The following LIMCH1 variants were observed in gnomAD, a reference collection of about 807,000 sequenced individuals.
The protein encoded by LIMCH1 is LIM and calponin homology domains 1, also known as LIM and calponin homology domains-containing protein 1.
A neutral mutation model predicts 176.5 loss-of-function variants in LIMCH1; 113 were observed. That is an observed-to-expected ratio of 0.64 (90% CI 0.55 to 0.75). The LOEUF (loss-of-function observed/expected upper bound fraction) is 0.75. Among genes scored for constraint, LIMCH1 ranks in the 30% least tolerant of loss-of-function variants. The probability of loss-of-function intolerance (pLI) is 0.00; values close to 1 mark genes in which losing one functional copy is unlikely to be tolerated. For missense variants in LIMCH1, 1,674 were observed against 1,814.9 expected (o/e 0.92, Z 1.41); for synonymous variants, 619 against 645.9 (o/e 0.96, Z 0.63).
chr4:41,416,279 A>G lies in LIMCH1; in HGVS notation c.96+55343A>G, dbSNP rs149729947. ...AAAATGCCAGGCAATAGAAGATTTT[A>G]AAACCTGGTCACGATAATAACAATA... On this transcript the variant is annotated intron_variant, in intron 1 of 26. Coordinates refer to the LIMCH1 transcript ENST00000313860. Among the ~76,000 whole-genome samples the G allele has an allele frequency of 3.7e-3, 559 of 152,344 alleles. 4 individuals carry two copies. The highest frequency in any genetic ancestry group is 0.012 in the African/African-American group (517 of 41,578).
rs774076249 is a variant in LIMCH1 at position 41,494,537 on chromosome 4, A to G, written c.98A>G (p.Gln33Arg). Residue 33 changes from glutamine to arginine, a missense_variant and splice_region_variant, in exon 2 of 27, where the codon CAA (glutamine) becomes CGA (arginine). Physicochemically the swap from Gln to Arg is conservative, Grantham distance 43. Transcript: ENST00000313860. Reference sequence around the variant, plus strand: ...CTCTTTTTCTTTTCTTTTTTGCAGCAAGTAACTGGCAGAAGTTTTGGTGAT... The same window carrying G: ...CTCTTTTTCTTTTCTTTTTTGCAGCGAGTAACTGGCAGAAGTTTTGGTGAT... 1.2e-6 allele frequency: 2 copies of G among 1,610,284 alleles called. No individual in the cohort carries two copies.
At chr4:41,620,206 A>T in intron 6 of LIMCH1, 1 of 506,850 alleles carries the variant, frequency 2.0e-6, no homozygotes, top group Non-Finnish European at 3.4e-6. Flanking sequence ...TTTGCCTTTC[A>T]TTATCAAGTC....
At chr4:41,413,204 T>C (rs1201966977) in intron 1 of LIMCH1, among the ~76,000 whole-genome samples, 6 of 149,158 alleles carry the variant, frequency 4.0e-5, no homozygotes, top group Non-Finnish European at 7.4e-5. Context: ...ATATGCAACA[T>C]GTAGACATAA....
At chr4:41,369,748 G>A (rs1159170394) in intron 1 of LIMCH1, among the ~76,000 whole-genome samples, 1 of 151,806 alleles carries the variant, frequency 6.6e-6, no homozygotes, top group Admixed American at 6.6e-5. Context: ...GCCAAGGACT[G>A]CGTCTTAGTC....
rs551875609 is a variant in LIMCH1 at position 41,491,925 on chromosome 4, G to A, written c.97-2611G>A. ...GCACTCCTCACGTCCCAGACGGGGC[G>A]GCCGGGCAGAGGGGCTCCTCACATC... On this transcript the variant is annotated intron_variant, in intron 1 of 26. Transcript: ENST00000313860. Among the ~76,000 whole-genome samples the A allele has an allele frequency of 2.2e-4, 33 of 151,684 alleles. No homozygotes were observed. The East Asian group carries it at 3.1e-3, about 14-fold the overall frequency.
At chr4:41,583,327 C>T (rs775510634) in intron 1 of LIMCH1, among the ~76,000 whole-genome samples, 3 of 152,160 alleles carry the variant, frequency 2.0e-5, no homozygotes, top group Non-Finnish European at 2.9e-5. Flanking sequence ...CTTATGTTCA[C>T]CCTTCTCCTC....
At chr4:41,420,084 G>A (rs2154130484) in intron 1 of LIMCH1, among the ~76,000 whole-genome samples, 1 of 152,196 alleles carries the variant, frequency 6.6e-6, no homozygotes, top group Non-Finnish European at 1.5e-5. Flanking sequence ...GGGTGCTCTA[G>A]GCAAGCTTCT....
rs1018399292 is a variant in LIMCH1 at position 41,478,164 on chromosome 4, A to G, written c.97-16372A>G. ...TCATTATAAAATGTAACACAAGTAC[A>G]GAGAATTACATGAAACAAATACATA... On this transcript the variant is annotated intron_variant, in intron 1 of 26. Coordinates refer to the LIMCH1 transcript ENST00000313860. Among the ~76,000 whole-genome samples, 7 of 152,230 alleles carry G rather than the reference A, an allele frequency of 4.6e-5. 1 individual carries two copies. Among genetic ancestry groups the G allele is most frequent in the African/African-American group, 1.7e-4 (7 of 41,468 alleles).
intron 1 of LIMCH1, among the ~76,000 whole-genome samples, chr4:41,487,365 G>A (rs550324106): frequency 1.3e-5 from 2 of 152,280 alleles, no homozygotes; most frequent in East Asian, 1.9e-4. Context: ...GACCGTGCTC[G>A]GTCCTAATGG....
chr4:41,430,898 T>C (rs945420198), intron 1 of LIMCH1, among the ~76,000 whole-genome samples: 20 of 152,152 alleles, frequency 1.3e-4, no homozygotes, highest in African/African-American at 4.3e-4. Flanking sequence ...GTTTTTTTTT[T>C]CTATGTGTCT....
chr4:41,523,290 T>G (rs1273644022), intron 2 of LIMCH1, among the ~76,000 whole-genome samples: 1 of 152,186 alleles, frequency 6.6e-6, no homozygotes, highest in Non-Finnish European at 1.5e-5. Flanking sequence ...AGTAAAGATT[T>G]TATGCTTTGT....
chr4:41,618,145 A>T (rs1425997952), intron 5 of LIMCH1, among the ~76,000 whole-genome samples: 3 of 152,198 alleles, frequency 2.0e-5, no homozygotes, highest in Admixed American at 2.0e-4. Flanking sequence ...GTAAATAGGT[A>T]TATATTTTAT....
At chr4:41,439,354 G>T (rs755978226) in intron 1 of LIMCH1, among the ~76,000 whole-genome samples, 2 of 152,220 alleles carry the variant, frequency 1.3e-5, no homozygotes, top group Non-Finnish European at 2.9e-5. Flanking sequence ...GGAAGGCCAA[G>T]GTGCATGGAT....
intron 18 of LIMCH1, among the ~76,000 whole-genome samples, chr4:41,660,692 C>T (rs961619021): frequency 3.3e-5 from 5 of 152,046 alleles, no homozygotes; most frequent in South Asian, 2.1e-4. Flanking sequence ...GAGGTGAAAC[C>T]GAAGCTCTGA....
Position 41,577,002 on chromosome 4 carries a change from C to T in LIMCH1, c.-240-21918C>T, listed in dbSNP as rs142728864. Reference sequence around the variant, plus strand: ...ACCAAATGCAGATAAAAAAATACAGCATTCCCAGGATGTTAAGCCCTCACG... The same window carrying T: ...ACCAAATGCAGATAAAAAAATACAGTATTCCCAGGATGTTAAGCCCTCACG... On this transcript the variant is annotated intron_variant, in intron 1 of 31. Transcript: ENST00000503057. 2.6e-3 allele frequency among the ~76,000 whole-genome samples: 394 copies of T among 152,218 alleles called. 1 individual carries two copies. The highest frequency in any genetic ancestry group is 4.3e-3 in the Admixed American group (66 of 15,278).
At chr4:41,494,658 T>C (rs940649317) in intron 2 of LIMCH1, 5 of 1,169,878 alleles carry the variant, frequency 4.3e-6, no homozygotes, top group Non-Finnish European at 5.0e-6. Context: ...TCATTAATAC[T>C]ATCCAGTTTG....
chr4:41,657,054 A>T (rs2094484080), intron 18 of LIMCH1, among the ~76,000 whole-genome samples: 2 of 151,654 alleles, frequency 1.3e-5, no homozygotes, highest in Non-Finnish European at 2.9e-5. Context: ...GGAAACTGCC[A>T]CCTCCCACCT....
intron 1 of LIMCH1, among the ~76,000 whole-genome samples, chr4:41,393,898 T>G (rs2057526711): frequency 1.3e-5 from 2 of 152,322 alleles, no homozygotes; most frequent in Non-Finnish European, 2.9e-5. Context: ...AGGAGATGTA[T>G]AAAATGGAAC....
chr4:41,671,949 A>C (rs1307133722), intron 22 of LIMCH1, among the ~76,000 whole-genome samples: 1 of 152,074 alleles, frequency 6.6e-6, no homozygotes, highest in Non-Finnish European at 1.5e-5. Flanking sequence ...TTGATTTGTA[A>C]AAGAATAATT....
Sources: allele counts gnomAD v4.1 joint callset (sites outside exome capture counted in the v4.1 genomes callset), GRCh38; gene constraint gnomAD v4.1.1; transcripts MANE v1.5; gene names NCBI Gene and HGNC (gene_info 2026-07-23, HGNC 2026-07-21).